ADAD1: variants seen among roughly 807,000 people sequenced by gnomAD.
ADAD1 encodes adenosine deaminase domain-containing protein 1.
A neutral mutation model predicts 66.8 loss-of-function variants in ADAD1; 46 were observed. The observed-to-expected ratio is 0.69, with a 90% confidence interval of 0.54 to 0.88. ADAD1 has a LOEUF of 0.88. Among genes scored for constraint, ADAD1 ranks in the 40% least tolerant of loss-of-function variants. The probability of loss-of-function intolerance (pLI) is 0.00; values close to 1 mark genes in which losing one functional copy is unlikely to be tolerated. For synonymous variants in ADAD1, 248 were observed against 229.4 expected (o/e 1.08, Z -0.73); for missense variants, 617 against 681.8 (o/e 0.91, Z 1.06).
intron 7 of ADAD1, among the ~76,000 whole-genome samples, chr4:122,401,781 A>G (rs1418805792): frequency 1.3e-5 from 2 of 152,026 alleles, no homozygotes; most frequent in Non-Finnish European, 2.9e-5. Flanking sequence ...CTTCTGCTTT[A>G]AAGTTTGTTT....
chr4:122,382,520 TCCTCCCAC>T (rs1252948162), intron 4 of ADAD1, among the ~76,000 whole-genome samples: 1 of 152,072 alleles, frequency 6.6e-6, no homozygotes, highest in African/African-American at 2.4e-5. Context: ...GCAGTGGTGA[TCCTCCCAC>T]CCCAGCCTCC....
chr4:122,388,565 A>G (rs760204976), intron 5 of ADAD1, among the ~76,000 whole-genome samples: 1 of 152,172 alleles, frequency 6.6e-6, no homozygotes, highest in Non-Finnish European at 1.5e-5. Flanking sequence ...TGGTCTATTC[A>G]GGGATTTGAC....
intron 10 of ADAD1, among the ~76,000 whole-genome samples, chr4:122,414,041 G>T (rs1796598134): frequency 6.7e-6 from 1 of 150,108 alleles, no homozygotes; most frequent in Non-Finnish European, 1.5e-5. Flanking sequence ...ACAAGATTGA[G>T]CCTCAAGATG....
intron 5 of ADAD1, among the ~76,000 whole-genome samples, chr4:122,389,533 G>T (rs1795337961): frequency 6.6e-6 from 1 of 152,176 alleles, no homozygotes; most frequent in African/African-American, 2.4e-5. Flanking sequence ...ATGAATCTGG[G>T]TGCTCCTGTA....
At position 122,411,347 on chromosome 4, in the gene ADAD1, A is replaced by G. The variant is rs780700387; in HGVS notation, c.974A>G (p.Tyr325Cys). 1 of 1,613,276 alleles carries G rather than the reference A, an allele frequency of 6.2e-7. No homozygotes were observed. Among genetic ancestry groups the G allele is most frequent in the South Asian group, 1.1e-5 (1 of 90,832 alleles). ...AAACAGAATATCAACATTTGCCTTT[A>G]CATGAACCAGTTGCCTAAAGGATCA... Reference protein sequence around the residue: ...TLKQNINICLYMNQLPKGSAQ... With the variant: ...TLKQNINICLCMNQLPKGSAQ... The change falls in exon 9 of 13, where the codon TAC (tyrosine) becomes TGC (cysteine). Residue 325 changes from tyrosine (Y) to cysteine (C), a missense_variant. Coordinates refer to ENST00000296513, the MANE Select transcript of ADAD1 (RefSeq NM_139243.4).
At chr4:122,422,956 T>TAAAAAAA (rs537676034) in intron 12 of ADAD1, among the ~76,000 whole-genome samples, 3 of 97,178 alleles carry the variant, frequency 3.1e-5, no homozygotes, top group African/African-American at 4.1e-5. Context: ...TATTTCTCTT[T>TAAAAAAA]AAAAAAAAAA....
At chr4:122,425,004 A>G (rs186524253) in intron 12 of ADAD1, among the ~76,000 whole-genome samples, 1 of 152,218 alleles carries the variant, frequency 6.6e-6, no homozygotes, top group Admixed American at 6.5e-5. Context: ...AAAGGTCAAT[A>G]CATCAGAAAG....
chr4:122,406,166 A>G (rs913423175), intron 7 of ADAD1, among the ~76,000 whole-genome samples: 3 of 152,288 alleles, frequency 2.0e-5, no homozygotes, highest in African/African-American at 4.8e-5. Context: ...GTTTTCCACA[A>G]TGCCTATAAA....
At chr4:122,401,130 G>A (rs549050484) in intron 7 of ADAD1, among the ~76,000 whole-genome samples, 2 of 151,950 alleles carry the variant, frequency 1.3e-5, no homozygotes, top group East Asian at 1.9e-4. Flanking sequence ...TTTGATATAG[G>A]CATTTAATGC....
intron 5 of ADAD1, among the ~76,000 whole-genome samples, chr4:122,387,836 T>C (rs1795248807): frequency 6.6e-6 from 1 of 151,626 alleles, no homozygotes; most frequent in Non-Finnish European, 1.5e-5. Flanking sequence ...CTCGGCTCAC[T>C]GCAAGCTCTG....
At chr4:122,390,145 G>C (rs1795365040) in intron 5 of ADAD1, among the ~76,000 whole-genome samples, 1 of 152,154 alleles carries the variant, frequency 6.6e-6, no homozygotes, top group Non-Finnish European at 1.5e-5. Flanking sequence ...GTGAAATTCT[G>C]GGTTGATAGT....
chr4:122,426,089 G>A (rs142524160), intron 12 of ADAD1, among the ~76,000 whole-genome samples: 8 of 151,772 alleles, frequency 5.3e-5, no homozygotes, highest in South Asian at 2.1e-4. Flanking sequence ...AGTTAAACTC[G>A]GTAATCCTTT....
At position 122,405,766 on chromosome 4, in the gene ADAD1, C is replaced by CCATT. The variant is rs1796180564; in HGVS notation, c.725-2140_725-2137dup. The stretch of plus-strand genomic sequence containing the variant: ...CCTTCTTTCTAACCGCTAGTAACCA[C>CCATT]CATTCTACTCTGTTTTTACGAGTTC... On this transcript the variant is annotated intron_variant, in intron 7 of 12. Coordinates refer to ENST00000296513, the MANE Select transcript of ADAD1 (RefSeq NM_139243.4). Among the ~76,000 whole-genome samples the CCATT allele has an allele frequency of 2.0e-5, 3 of 152,158 alleles. No homozygotes were observed. The South Asian group carries it at 6.2e-4, about 32-fold the overall frequency.
chr4:122,403,829 C>T (rs1273391338), intron 7 of ADAD1, among the ~76,000 whole-genome samples: 1 of 152,112 alleles, frequency 6.6e-6, no homozygotes, highest in African/African-American at 2.4e-5. Flanking sequence ...TGGGTCTGAG[C>T]TCAGACTCTT....
At position 122,381,152 on chromosome 4, in the gene ADAD1, G is replaced by A; in HGVS notation, c.333G>A (p.Gln111=). Residue 111 remains glutamine (Q), a synonymous_variant, in exon 4 of 13, where the codon CAG becomes CAA. Coordinates refer to ENST00000296513, the MANE Select transcript of ADAD1 (RefSeq NM_139243.4). ...AGTTTGCACAAATGCAGCGAGTTCA[G>A]CTTGACCTTAAGGAAACTGTGACAA... The part of the protein sequence containing the change: ...LHQFAQMQRV[Q]LDLKETVTTG... 6.4e-7 allele frequency: 1 copy of A among 1,574,762 alleles called. No individual in the cohort carries two copies. The highest frequency in any genetic ancestry group is 1.4e-5 in the African/African-American group (1 of 71,824).
At chr4:122,397,402 T>C (rs956794122) in intron 7 of ADAD1, among the ~76,000 whole-genome samples, 2 of 152,134 alleles carry the variant, frequency 1.3e-5, no homozygotes, top group Non-Finnish European at 2.9e-5. Flanking sequence ...TATGCTTTAA[T>C]TTTTTCTCAT....
intron 2 of ADAD1, 53 bp from the exon 3 acceptor site, chr4:122,380,009 C>A (rs1794805097): frequency 3.3e-6 from 5 of 1,518,486 alleles, no homozygotes; most frequent in Non-Finnish European, 4.4e-6. Flanking sequence ...TAAATATTTT[C>A]AGTTTACATA....
intron 8 of ADAD1, among the ~76,000 whole-genome samples, chr4:122,409,529 G>A (rs1409892471): frequency 4.6e-5 from 7 of 152,062 alleles, no homozygotes; most frequent in Non-Finnish European, 5.9e-5. Context: ...GTGTTACAAA[G>A]ATTTCAATTA....
intron 8 of ADAD1, among the ~76,000 whole-genome samples, chr4:122,409,825 G>A (rs532820964): frequency 1.3e-5 from 2 of 151,934 alleles, no homozygotes; most frequent in African/African-American, 2.4e-5. Flanking sequence ...TCAGCCTCCC[G>A]AGTAGCTGGG....
Sources: gnomAD v4.1 joint callset for allele counts (sites outside exome capture counted in the v4.1 genomes callset) on GRCh38, gnomAD v4.1.1 for gene constraint, MANE v1.5 for transcripts, NCBI Gene and HGNC (gene_info 2026-07-23, HGNC 2026-07-21) for gene names.